COL5A2: variants seen among roughly 807,000 people sequenced by gnomAD.
The protein encoded by COL5A2 is collagen alpha-2(V) chain.
In COL5A2, 23 loss-of-function variants were observed where a neutral mutation model predicts 208.2. The ratio of observed to expected loss-of-function variants is 0.11; its 90% CI spans 0.08 to 0.16. The LOEUF is 0.16. Among genes scored for constraint, COL5A2 ranks in the 10% least tolerant of loss-of-function variants. The pLI, the probability that COL5A2 is intolerant of heterozygous loss-of-function variation, is 1.00. For missense variants in COL5A2, 1,590 were observed against 1,956.4 expected (o/e 0.81, Z 3.53); for synonymous variants, 625 against 628.5 (o/e 0.99, Z 0.08).
At chr2:189,348,840 A>T in the COL5A2 span, among the ~76,000 whole-genome samples, 813 of 152,268 alleles carry the variant, frequency 5.3e-3, 8 homozygotes, top group African/African-American at 0.019. Flanking sequence ...ATCAATTCAC[A>T]AACAAGACAA....
chr2:189,339,167 A>G, the COL5A2 span, among the ~76,000 whole-genome samples: 1 of 152,146 alleles, frequency 6.6e-6, no homozygotes, highest in South Asian at 2.1e-4. Context: ...CCTGGCCAAC[A>G]TGGCGAAATC....
intron 44 of COL5A2, 87 bp downstream of exon 44, chr2:189,049,260 A>G (rs1685732679): frequency 1.1e-6 from 1 of 927,388 alleles, no homozygotes; most frequent in Non-Finnish European, 1.7e-6. Flanking sequence ...AATATGCAAT[A>G]AAATTCTAAA....
chr2:189,048,811 C>G (rs1167324548), intron 44 of COL5A2, among the ~76,000 whole-genome samples: 1 of 152,008 alleles, frequency 6.6e-6, no homozygotes, highest in Non-Finnish European at 1.5e-5. Flanking sequence ...TCCTTAAAAT[C>G]CTGAACAGAG....
chr2:189,348,991 A>G, the COL5A2 span, among the ~76,000 whole-genome samples: 1 of 152,194 alleles, frequency 6.6e-6, no homozygotes. Context: ...CAAGCCTCAG[A>G]AAAATTAAAT....
the COL5A2 span, among the ~76,000 whole-genome samples, chr2:189,310,205 C>T: frequency 1.3e-5 from 2 of 152,018 alleles, no homozygotes; most frequent in African/African-American, 2.4e-5. Flanking sequence ...AATGCCACAA[C>T]GTGGTTTTCC....
At chr2:189,346,346 T>C in the COL5A2 span, among the ~76,000 whole-genome samples, 1 of 152,130 alleles carries the variant, frequency 6.6e-6, no homozygotes, top group East Asian at 1.9e-4. Flanking sequence ...TTGTAAAACC[T>C]AACTGGAACT....
chr2:189,227,955 T>A (rs928660843), upstream of COL5A2, among the ~76,000 whole-genome samples: 1 of 151,956 alleles, frequency 6.6e-6, no homozygotes, highest in African/African-American at 2.4e-5. Flanking sequence ...TTAACTAATT[T>A]ATAAGATTGA....
chr2:189,036,074 A>G (rs1192854917), intron 52 of COL5A2, among the ~76,000 whole-genome samples: 1 of 152,150 alleles, frequency 6.6e-6, no homozygotes, highest in African/African-American at 2.4e-5. Flanking sequence ...GTTATCTAAT[A>G]TTAATTTACC....
the COL5A2 span, among the ~76,000 whole-genome samples, chr2:189,256,855 C>T: frequency 6.6e-6 from 1 of 152,280 alleles, no homozygotes; most frequent in South Asian, 2.1e-4. Flanking sequence ...GTCTCAAACT[C>T]CTGACCTCAT....
chr2:189,406,071 GTAAT>G, the COL5A2 span, among the ~76,000 whole-genome samples: 1 of 152,072 alleles, frequency 6.6e-6, no homozygotes, highest in Non-Finnish European at 1.5e-5. Flanking sequence ...TTCCCGAACA[GTAAT>G]TAATTTTCTC....
chr2:189,387,014 C>T, the COL5A2 span, among the ~76,000 whole-genome samples: 2 of 152,066 alleles, frequency 1.3e-5, no homozygotes, highest in Admixed American at 6.6e-5. Context: ...TACATGCACC[C>T]ATATGTTCAT....
the COL5A2 span, among the ~76,000 whole-genome samples, chr2:189,388,684 C>G: frequency 6.6e-6 from 1 of 152,120 alleles, no homozygotes; most frequent in African/African-American, 2.4e-5. Context: ...AAAATAAAAT[C>G]AAGAATTAGG....
At chr2:189,099,487 T>TGGTG (rs1687004627) in intron 4 of COL5A2, among the ~76,000 whole-genome samples, 1 of 152,144 alleles carries the variant, frequency 6.6e-6, no homozygotes, top group Non-Finnish European at 1.5e-5. Flanking sequence ...TAGCCAGGCA[T>TGGTG]GGTGGCTCTT....
the COL5A2 span, among the ~76,000 whole-genome samples, chr2:189,373,551 AT>A: frequency 6.6e-6 from 1 of 152,220 alleles, no homozygotes; most frequent in South Asian, 2.1e-4. Context: ...TCAAATTTAT[AT>A]TTTTGTCTTA....
chr2:189,060,868 A>G, intron 30 of COL5A2, 85 bp from the exon 31 acceptor site: 1 of 914,796 alleles, frequency 1.1e-6, no homozygotes, highest in African/African-American at 1.6e-5. Flanking sequence ...TTTACAATTC[A>G]TGGGGTCTCC....
At chr2:189,416,346 T>C in the COL5A2 span, among the ~76,000 whole-genome samples, 1 of 152,000 alleles carries the variant, frequency 6.6e-6, no homozygotes, top group African/African-American at 2.4e-5. Context: ...ATTAAGAAAA[T>C]GTGGCACATA....
At chr2:189,214,719 T>C (rs1337359806) in intron 1 of COL5A2, among the ~76,000 whole-genome samples, 2 of 152,214 alleles carry the variant, frequency 1.3e-5, no homozygotes, top group Non-Finnish European at 2.9e-5. Context: ...AAAGAGTTCA[T>C]GGCAACCTTG....
the COL5A2 span, among the ~76,000 whole-genome samples, chr2:189,420,072 G>A: frequency 7.2e-6 from 1 of 139,828 alleles, no homozygotes; most frequent in Non-Finnish European, 1.6e-5. Flanking sequence ...AAGGAAGGGA[G>A]GGAGGGAGGG....
chr2:189,060,313 C>T (rs1686000501), intron 31 of COL5A2, among the ~76,000 whole-genome samples: 1 of 152,122 alleles, frequency 6.6e-6, no homozygotes, highest in African/African-American at 2.4e-5. Context: ...CAGGCCAGTG[C>T]TTTGTAGAGG....
Sources: allele counts gnomAD v4.1 joint callset (sites outside exome capture counted in the v4.1 genomes callset), GRCh38; gene constraint gnomAD v4.1.1; transcripts MANE v1.5; gene names NCBI Gene and HGNC (gene_info 2026-07-23, HGNC 2026-07-21).